The following CCDC3 variants were observed in gnomAD, a reference collection of about 807,000 sequenced individuals.
CCDC3 encodes the protein coiled-coil domain containing 3.
A neutral mutation model predicts 21.4 loss-of-function variants in CCDC3; 24 were observed. The observed-to-expected ratio is 1.12, with a 90% CI of 0.81 to 1.58. The LOEUF (loss-of-function observed/expected upper bound fraction) is 1.58. Among genes scored for constraint, CCDC3 ranks in the 40% most tolerant of loss-of-function variants. CCDC3 has a pLI of 0.00. For missense variants in CCDC3, 425 were observed against 360.9 expected (o/e 1.18, Z -1.44); for synonymous variants, 186 against 166.0 (o/e 1.12, Z -0.93).
intron 2 of CCDC3, among the ~76,000 whole-genome samples, chr10:12,986,792 AC>A (rs1453938302): frequency 2.0e-5 from 3 of 151,556 alleles, no homozygotes; most frequent in African/African-American, 7.3e-5. Context: ...AAACAAAAAA[AC>A]AAAAACAAAA....
intron 1 of CCDC3, among the ~76,000 whole-genome samples, chr10:12,999,881 C>T (rs1032823916): frequency 1.3e-5 from 2 of 152,186 alleles, no homozygotes; most frequent in Non-Finnish European, 2.9e-5. Context: ...GAGAAGGGCA[C>T]TCTCTCAGTC....
At chr10:13,079,207 G>T (rs1260463136) in intron 3 of CCDC3, among the ~76,000 whole-genome samples, 1 of 152,204 alleles carries the variant, frequency 6.6e-6, no homozygotes, top group Non-Finnish European at 1.5e-5. Flanking sequence ...TAACAAAATG[G>T]TGGCACATAT....
chr10:13,080,199 G>A (rs941840655), intron 3 of CCDC3, among the ~76,000 whole-genome samples: 20 of 152,166 alleles, frequency 1.3e-4, no homozygotes, highest in African/African-American at 4.8e-4. Context: ...GGCAAAGAGA[G>A]AGAGAGAGAG....
chr10:12,917,459 G>A (rs916199347), intron 2 of CCDC3, among the ~76,000 whole-genome samples: 8 of 152,098 alleles, frequency 5.3e-5, no homozygotes, highest in African/African-American at 9.7e-5. Flanking sequence ...GCCTCCCAAA[G>A]TGCTGGGATT....
intron 2 of CCDC3, among the ~76,000 whole-genome samples, chr10:12,943,265 A>C (rs1323219957): frequency 1.3e-5 from 2 of 151,988 alleles, no homozygotes; most frequent in Admixed American, 1.3e-4. Flanking sequence ...AAAAAATACA[A>C]TTCTAAGCAC....
At chr10:13,009,657 C>A (rs1449095872) in intron 5 of CCDC3, among the ~76,000 whole-genome samples, 1 of 152,144 alleles carries the variant, frequency 6.6e-6, no homozygotes, top group Non-Finnish European at 1.5e-5. Flanking sequence ...AGAGATAATT[C>A]ATTGGAAATT....
intron 2 of CCDC3, among the ~76,000 whole-genome samples, chr10:12,975,366 C>T (rs1835400417): frequency 6.6e-6 from 1 of 152,152 alleles, no homozygotes; most frequent in African/African-American, 2.4e-5. Context: ...AGGAACCTTC[C>T]AGAGTTCTGC....
intron 2 of CCDC3, among the ~76,000 whole-genome samples, chr10:12,931,272 T>C (rs1454699667): frequency 1.3e-5 from 2 of 151,544 alleles, no homozygotes; most frequent in African/African-American, 4.9e-5. Flanking sequence ...CATAAGACTT[T>C]AGGAATGGTG....
In CCDC3 at chr10:12,960,628, G is replaced by A. The variant is rs542624786; in HGVS notation, c.549+37710C>T. ...TCCCACCACAGTGACAAATTACGCA[G>A]AAACAAAACACGAGGTGGGGCAGGG... is the stretch of plus-strand genomic sequence containing the variant. On this transcript the variant is annotated intron_variant, in intron 2 of 2. Transcript: ENST00000378825. Among the ~76,000 whole-genome samples the A allele has an allele frequency of 3.9e-5, 6 of 152,314 alleles. No individual in the cohort carries two copies. The South Asian group carries it at 6.2e-4, about 16-fold the overall frequency.
rs149483388 is a variant in CCDC3 at position 13,048,715 on chromosome 10, G to A, written c.-2+959C>T. On this transcript the variant is annotated intron_variant, in intron 5 of 6. Transcript: ENST00000378839. Reference sequence around the variant, plus strand: ...ACAAGCAGATGAGTCAACTTGGCAGGTCGCTAGCTGTCCCTGTGGGTCCCC... The same window carrying A: ...ACAAGCAGATGAGTCAACTTGGCAGATCGCTAGCTGTCCCTGTGGGTCCCC... Among the ~76,000 whole-genome samples, 522 of 152,218 alleles carry A rather than the reference G, an allele frequency of 3.4e-3. 4 individuals carry two copies. Among genetic ancestry groups the A allele is most frequent in the African/African-American group, 0.012 (492 of 41,518 alleles).
intron 5 of CCDC3, among the ~76,000 whole-genome samples, chr10:13,035,753 G>C (rs1269926084): frequency 6.6e-6 from 1 of 152,222 alleles, no homozygotes; most frequent in African/African-American, 2.4e-5. Context: ...TACCTGGGAA[G>C]ACATTCAGAA....
At chr10:13,018,195 C>T (rs1450312752) in intron 5 of CCDC3, among the ~76,000 whole-genome samples, 1 of 151,988 alleles carries the variant, frequency 6.6e-6, no homozygotes, top group Non-Finnish European at 1.5e-5. Flanking sequence ...ATGTTGTCAA[C>T]AAATGCCTCT....
chr10:12,960,835 C>T (rs143598476), intron 2 of CCDC3, among the ~76,000 whole-genome samples: 209 of 152,246 alleles, frequency 1.4e-3, no homozygotes, highest in African/African-American at 4.7e-3. Flanking sequence ...GGCATTATCC[C>T]GACCCAAACA....
chr10:12,935,711 G>A (rs1176458095), intron 2 of CCDC3, among the ~76,000 whole-genome samples: 1 of 151,360 alleles, frequency 6.6e-6, no homozygotes, highest in African/African-American at 2.4e-5. Flanking sequence ...TGTTGCCGAG[G>A]CTGGAGTGCA....
chr10:12,931,200 G>A (rs1281890828), intron 2 of CCDC3, among the ~76,000 whole-genome samples: 1 of 89,086 alleles, frequency 1.1e-5, no homozygotes, highest in African/African-American at 5.0e-5. Flanking sequence ...CACAGAGCAA[G>A]ACTCTGTCAA....
intron 2 of CCDC3, among the ~76,000 whole-genome samples, chr10:12,966,921 G>A (rs1218533570): frequency 1.3e-5 from 2 of 152,180 alleles, no homozygotes; most frequent in East Asian, 3.8e-4. Flanking sequence ...TGGGAGGAAG[G>A]CAGGGTGTGG....
At chr10:13,024,128 G>A (rs1478460447) in intron 5 of CCDC3, among the ~76,000 whole-genome samples, 1 of 152,042 alleles carries the variant, frequency 6.6e-6, no homozygotes, top group African/African-American at 2.4e-5. Flanking sequence ...CAAGAGAAAT[G>A]ACCCAAAAGA....
chr10:13,080,090 C>A (rs890700638), intron 3 of CCDC3, among the ~76,000 whole-genome samples: 4 of 152,224 alleles, frequency 2.6e-5, no homozygotes, highest in Non-Finnish European at 5.9e-5. Flanking sequence ...CTGGCATCTG[C>A]CGAGCCTCTG....
chr10:12,978,177 C>A (rs565787696), intron 2 of CCDC3, among the ~76,000 whole-genome samples: 1 of 152,156 alleles, frequency 6.6e-6, no homozygotes, highest in African/African-American at 2.4e-5. Context: ...TGCCACCACA[C>A]CTGGCTAAGT....
Sources: gnomAD v4.1 joint callset for allele counts (sites outside exome capture counted in the v4.1 genomes callset) on GRCh38, gnomAD v4.1.1 for gene constraint, MANE v1.5 for transcripts, NCBI Gene and HGNC (gene_info 2026-07-23, HGNC 2026-07-21) for gene names.